The following FHAD1 variants were observed in gnomAD, a reference collection of about 807,000 sequenced individuals.
The protein encoded by FHAD1 is forkhead-associated domain-containing protein 1.
Under a neutral mutation model 191.3 loss-of-function variants are expected in FHAD1, and 146 were observed. The observed-to-expected ratio is 0.76, with a 90% CI of 0.67 to 0.88. FHAD1 has a LOEUF of 0.88. Among genes scored for constraint, FHAD1 ranks in the 40% least tolerant of loss-of-function variants. The pLI is 0.00. For synonymous variants in FHAD1, 616 were observed against 672.3 expected, an observed-to-expected ratio of 0.92 and a Z score of 1.29; for missense variants, 1,635 against 1,785.8, an observed-to-expected ratio of 0.92 and a Z score of 1.52.
chr1:15,295,714 C>T (rs1218370128), intron 4 of FHAD1, among the ~76,000 whole-genome samples: 1 of 152,208 alleles, frequency 6.6e-6, no homozygotes, highest in Admixed American at 6.5e-5. Flanking sequence ...GTGGAACCCA[C>T]ACATATGGGG....
At chr1:15,303,907 C>G (rs1669615554) in intron 6 of FHAD1, among the ~76,000 whole-genome samples, 1 of 152,010 alleles carries the variant, frequency 6.6e-6, no homozygotes, top group Non-Finnish European at 1.5e-5. Flanking sequence ...ACTCCTCCCC[C>G]CACTTTGATC....
At chr1:15,357,939 T>A in intron 20 of FHAD1, 171 bp from the exon 21 acceptor site, 1 of 544,108 alleles carries the variant, frequency 1.8e-6, no homozygotes, top group Admixed American at 4.0e-5. Context: ...TAAAGACGAG[T>A]TCTATAATAA....
At chr1:15,324,350 C>A in intron 10 of FHAD1, 102 bp from the exon 11 acceptor site, 1 of 910,304 alleles carries the variant, frequency 1.1e-6, no homozygotes, top group Non-Finnish European at 1.8e-6. Context: ...CTGTGCCTAC[C>A]CCTCTGGGAC....
intron 31 of FHAD1, among the ~76,000 whole-genome samples, 155 bp from the exon 32 acceptor site, chr1:15,387,896 A>G (rs1702558255): frequency 6.6e-6 from 1 of 152,082 alleles, no homozygotes. Context: ...AATAAAAAAG[A>G]AAAAGACTCT....
chr1:15,391,102 G>A (rs45595334), intron 32 of FHAD1, 108 bp from the exon 33 acceptor site: 233 of 425,590 alleles, frequency 5.5e-4, no homozygotes, highest in Non-Finnish European at 8.6e-4. Flanking sequence ...AAGGCCCAGC[G>A]TTCCAAATGG....
At chr1:15,274,464 T>C (rs1657478845) in intron 3 of FHAD1, among the ~76,000 whole-genome samples, 1 of 151,690 alleles carries the variant, frequency 6.6e-6, no homozygotes. Flanking sequence ...AAAAAAAAAT[T>C]AGCTGGGCAT....
intron 22 of FHAD1, among the ~76,000 whole-genome samples, chr1:15,361,478 G>A (rs901627262): frequency 1.3e-5 from 2 of 151,938 alleles, no homozygotes; most frequent in African/African-American, 4.8e-5. Flanking sequence ...AAGCTGGCAA[G>A]CCATCAGGAC....
chr1:15,374,531 G>A lies in FHAD1; in HGVS notation c.3477G>A (p.Arg1159=), dbSNP rs761167442. ...AATCCTTCAGCGATCTAGGGGTCAG[G>A]TGCAAAGGGTCCCGGCACGAGGAGG... ...EQQSFSDLGV[R]CKGSRHEEVI... The change falls in exon 27 of 34, where the codon AGG becomes AGA. Residue 1159 remains arginine, a synonymous_variant. Coordinates refer to ENST00000688493, the MANE Select transcript of FHAD1 (RefSeq NM_001391957.1). 6.4e-6 allele frequency: 10 copies of A among 1,551,680 alleles called. No individual in the cohort carries two copies. In the East Asian group the frequency reaches 7.3e-5, roughly 11 times the overall value.
intron 4 of FHAD1, among the ~76,000 whole-genome samples, chr1:15,292,193 G>A (rs1320876311): frequency 1.3e-5 from 2 of 151,972 alleles, no homozygotes; most frequent in African/African-American, 4.8e-5. Flanking sequence ...TGTCTCCCAG[G>A]CTGGAGTGCA....
chr1:15,300,905 C>A (rs1042210059), intron 5 of FHAD1, among the ~76,000 whole-genome samples: 1 of 152,198 alleles, frequency 6.6e-6, no homozygotes, highest in African/African-American at 2.4e-5. Flanking sequence ...TCTGGGCTCA[C>A]TGCAACCTCT....
rs1213727177 is a variant in FHAD1 at position 15,328,350 on chromosome 1, A to T, written c.1631A>T (p.Glu544Val). The T allele has an allele frequency of 1.3e-6, 2 of 1,549,296 alleles. No individual in the cohort carries two copies. Among genetic ancestry groups the T allele is most frequent in the Non-Finnish European group, 1.7e-6 (2 of 1,146,198 alleles). Residue 544 changes from glutamate to valine, a missense_variant, in exon 13 of 34, where the codon GAG (glutamate) becomes GTG (valine). Transcript: ENST00000688493. Reference sequence around the variant, plus strand: ...CAGAAAAAGTGGACCCTCCAGAAAGAGACCCAGCTGAGCAACTCCAAGCAG... The same window carrying T: ...CAGAAAAAGTGGACCCTCCAGAAAGTGACCCAGCTGAGCAACTCCAAGCAG... The part of the protein sequence containing the change: ...FQQKKWTLQK[E>V]TQLSNSKQEE...
intron 4 of FHAD1, among the ~76,000 whole-genome samples, chr1:15,294,613 G>A (rs535483593): frequency 6.0e-4 from 92 of 152,186 alleles, no homozygotes; most frequent in African/African-American, 2.1e-3. Context: ...GGCTGGTCTC[G>A]AACTCCTGTC....
chr1:15,350,124 T>TA (rs773403950), intron 19 of FHAD1, among the ~76,000 whole-genome samples: 4 of 152,176 alleles, frequency 2.6e-5, no homozygotes, highest in Non-Finnish European at 4.4e-5. Flanking sequence ...CGCCCATAAA[T>TA]ATTCATTTAT....
intron 3 of FHAD1, among the ~76,000 whole-genome samples, chr1:15,288,914 C>T (rs1663485300): frequency 6.6e-6 from 1 of 152,212 alleles, no homozygotes; most frequent in Non-Finnish European, 1.5e-5. Context: ...CCGTGTGGTC[C>T]AGGCAAGGAC....
intron 3 of FHAD1, among the ~76,000 whole-genome samples, chr1:15,286,501 C>CA (rs1276100676): frequency 2.0e-5 from 3 of 151,772 alleles, no homozygotes; most frequent in South Asian, 4.2e-4. Context: ...GACGCTGTTT[C>CA]AAAAAAAATG....
chr1:15,271,156 A>G (rs1193565422), intron 2 of FHAD1, among the ~76,000 whole-genome samples: 105 of 150,132 alleles, frequency 7.0e-4, no homozygotes, highest in Middle Eastern at 3.4e-3. Flanking sequence ...AAAAAAAAAA[A>G]AAAAAAATTA....
At chr1:15,378,612 A>C (rs1007067723) in intron 28 of FHAD1, among the ~76,000 whole-genome samples, 7 of 152,214 alleles carry the variant, frequency 4.6e-5, no homozygotes, top group Admixed American at 3.9e-4. Flanking sequence ...AAAACTGCCC[A>C]ATTTATTGTC....
In FHAD1 at chr1:15,381,356, C is replaced by T. The variant is rs898459414; in HGVS notation, c.3927C>T (p.Leu1309=). Residue 1309 remains leucine, a synonymous_variant, in exon 30 of 34, where the codon CTC becomes CTT. Transcript: ENST00000688493. The surrounding 1 kb of genome is among the most constrained non-coding windows in gnomAD (Gnocchi z 4.6). ...TCAACCAGCTTCGACAAAGGGACCTCGACCTGGTGTTTGATAAGATCACCC... is the reference window on the plus strand; with the variant it reads ...TCAACCAGCTTCGACAAAGGGACCTTGACCTGGTGTTTGATAAGATCACCC... The part of the protein sequence containing the change: ...EKVNQLRQRD[L]DLVFDKITQL... 31 of 1,551,650 alleles carry T rather than the reference C, an allele frequency of 2.0e-5. No homozygotes were observed. The East Asian group carries it at 2.4e-4, about 12-fold the overall frequency.
intron 1 of FHAD1, among the ~76,000 whole-genome samples, chr1:15,238,655 C>A (rs1368050415): frequency 6.6e-6 from 1 of 152,234 alleles, no homozygotes; most frequent in Non-Finnish European, 1.5e-5. Context: ...ACCACAGAGC[C>A]TTGTACACAG....
Sources: allele counts gnomAD v4.1 joint callset (sites outside exome capture counted in the v4.1 genomes callset), GRCh38; gene constraint gnomAD v4.1.1; non-coding constraint Gnocchi (gnomAD v3.1); transcripts MANE v1.5; gene names NCBI Gene and HGNC (gene_info 2026-07-23, HGNC 2026-07-21).